PCDH9: variants seen among roughly 807,000 people sequenced by gnomAD.
PCDH9 encodes protocadherin-9.
PCDH9 carries 24 observed loss-of-function variants against 70.6 expected under a neutral mutation model. That is an observed-to-expected ratio of 0.34 (90% CI 0.25 to 0.48). PCDH9 has a LOEUF of 0.48. PCDH9 is among the 20% of genes least tolerant of loss of function. The pLI is 0.99. For missense variants in PCDH9, 1,281 were observed against 1,503.6 expected (o/e 0.85, Z 2.45); for synonymous variants, 562 against 558.5 (o/e 1.01, Z -0.09).
chr13:67,037,933 G>A (rs2139900067), intron 2 of PCDH9, among the ~76,000 whole-genome samples: 1 of 152,268 alleles, frequency 6.6e-6, no homozygotes, highest in South Asian at 2.1e-4. Flanking sequence ...TTAATGACCA[G>A]TGAAGAAATG....
At chr13:67,162,179 G>A (rs1329349397) in intron 2 of PCDH9, among the ~76,000 whole-genome samples, 1 of 152,104 alleles carries the variant, frequency 6.6e-6, no homozygotes, top group Non-Finnish European at 1.5e-5. Context: ...GGCCTAAATA[G>A]CCATCCTAAA....
intron 2 of PCDH9, among the ~76,000 whole-genome samples, chr13:67,013,511 A>G (rs1432416835): frequency 1.3e-5 from 2 of 151,970 alleles, no homozygotes; most frequent in African/African-American, 4.8e-5. Context: ...ATTATTTTCA[A>G]TGATATAAGC....
intron 3 of PCDH9, among the ~76,000 whole-genome samples, chr13:66,664,873 C>T (rs2078071461): frequency 6.6e-6 from 1 of 152,034 alleles, no homozygotes; most frequent in South Asian, 2.1e-4. Context: ...CCATGATACC[C>T]TACCCCCAGT....
intron 4 of PCDH9, among the ~76,000 whole-genome samples, chr13:66,471,906 T>C (rs574834025): frequency 6.6e-6 from 1 of 152,268 alleles, no homozygotes; most frequent in Admixed American, 6.5e-5. Flanking sequence ...TGTAACATTT[T>C]TATTCATTGA....
intron 4 of PCDH9, among the ~76,000 whole-genome samples, chr13:66,529,048 C>T (rs1566394110): frequency 6.6e-6 from 1 of 152,064 alleles, no homozygotes; most frequent in Non-Finnish European, 1.5e-5. Context: ...CTTTAATCTC[C>T]TCTAACTGCT....
At chr13:66,520,474 T>C (rs747886819) in intron 4 of PCDH9, among the ~76,000 whole-genome samples, 38 of 152,240 alleles carry the variant, frequency 2.5e-4, no homozygotes, top group Non-Finnish European at 4.6e-4. Context: ...GCAGTAGTTC[T>C]GCAGATCATC....
At chr13:66,631,985 C>G (rs1320985261) in intron 3 of PCDH9, among the ~76,000 whole-genome samples, 1 of 152,148 alleles carries the variant, frequency 6.6e-6, no homozygotes, top group Admixed American at 6.5e-5. Context: ...CTTCTGCCTT[C>G]CAGGTTCAAG....
At chr13:66,575,882 C>G (rs2076807623) in intron 4 of PCDH9, among the ~76,000 whole-genome samples, 1 of 151,992 alleles carries the variant, frequency 6.6e-6, no homozygotes, top group Non-Finnish European at 1.5e-5. Context: ...CTATGTCTCT[C>G]CAATACTCAG....
chr13:66,912,534 CAT>C (rs1491022264), intron 2 of PCDH9, among the ~76,000 whole-genome samples: 13 of 151,938 alleles, frequency 8.6e-5, no homozygotes, highest in East Asian at 3.9e-4. Flanking sequence ...CACACACACA[CAT>C]ACACACCATG....
At chr13:66,516,785 AT>A (rs1214846547) in intron 4 of PCDH9, among the ~76,000 whole-genome samples, 2 of 151,728 alleles carry the variant, frequency 1.3e-5, no homozygotes, top group Admixed American at 1.3e-4. Context: ...TGTATGAGTC[AT>A]TTTATCTATG....
intron 2 of PCDH9, among the ~76,000 whole-genome samples, chr13:67,075,571 T>G (rs556741567): frequency 7.9e-5 from 12 of 152,080 alleles, no homozygotes; most frequent in Non-Finnish European, 1.2e-4. Context: ...GGGCACATTT[T>G]AGAAAGTTTC....
chr13:66,566,340 C>T (rs1376361650), intron 4 of PCDH9, among the ~76,000 whole-genome samples: 2 of 152,114 alleles, frequency 1.3e-5, no homozygotes, highest in Non-Finnish European at 2.9e-5. Flanking sequence ...CTGTACATAT[C>T]CATAAAATAT....
intron 2 of PCDH9, among the ~76,000 whole-genome samples, chr13:67,191,216 A>C (rs1181016500): frequency 6.6e-6 from 1 of 152,176 alleles, no homozygotes; most frequent in Non-Finnish European, 1.5e-5. Context: ...ATATATTCTT[A>C]TCACATAATT....
chr13:66,736,300 C>T (rs963850188), intron 3 of PCDH9, among the ~76,000 whole-genome samples: 1 of 152,094 alleles, frequency 6.6e-6, no homozygotes, highest in African/African-American at 2.4e-5. Flanking sequence ...TGCTATAAGG[C>T]TGGGTCCTAA....
intron 3 of PCDH9, among the ~76,000 whole-genome samples, chr13:66,769,419 T>C (rs1308656532): frequency 1.3e-5 from 2 of 152,028 alleles, no homozygotes; most frequent in East Asian, 1.9e-4. Context: ...AGGGTTCATA[T>C]AGAAAAATTA....
intron 2 of PCDH9, among the ~76,000 whole-genome samples, chr13:66,907,570 A>G (rs942037872): frequency 1.3e-5 from 2 of 152,324 alleles, no homozygotes; most frequent in Middle Eastern, 3.4e-3. Context: ...TATCTGCTCA[A>G]AGTTTTCACA....
intron 2 of PCDH9, among the ~76,000 whole-genome samples, chr13:67,154,611 C>T (rs772426638): frequency 0.13 from 11,714 of 89,236 alleles, 1,568 homozygotes; most frequent in Non-Finnish European, 0.2. Context: ...TATATACACA[C>T]ACACACACAC....
intron 2 of PCDH9, among the ~76,000 whole-genome samples, chr13:67,010,757 T>C (rs2084437057): frequency 6.6e-6 from 1 of 152,020 alleles, no homozygotes; most frequent in Admixed American, 6.6e-5. Context: ...CAACTGGACC[T>C]TTACTATTAA....
At chr13:66,473,273 GA>G (rs1958653694) in intron 4 of PCDH9, among the ~76,000 whole-genome samples, 2 of 151,724 alleles carry the variant, frequency 1.3e-5, no homozygotes, top group African/African-American at 2.4e-5. Flanking sequence ...AGAAAACAAG[GA>G]AAAAAATAGC....
Sources: gnomAD v4.1 joint callset for allele counts (sites outside exome capture counted in the v4.1 genomes callset) on GRCh38, gnomAD v4.1.1 for gene constraint, MANE v1.5 for transcripts, NCBI Gene and HGNC (gene_info 2026-07-23, HGNC 2026-07-21) for gene names.